Variants in CAPRIN1 observed in about 807,000 individuals in gnomAD.
The protein encoded by CAPRIN1 is caprin-1.
CAPRIN1 carries 29 observed loss-of-function variants against 100.9 expected under a neutral mutation model. That is an observed-to-expected ratio of 0.29 (90% CI 0.21 to 0.39). The LOEUF (loss-of-function observed/expected upper bound fraction) is 0.39. Among genes scored for constraint, CAPRIN1 ranks in the 10% least tolerant of loss-of-function variants. The pLI, the probability that CAPRIN1 is intolerant of heterozygous loss-of-function variation, is 1.00. For synonymous variants in CAPRIN1, 338 were observed against 307.5 expected (o/e 1.10, Z -1.04); for missense variants, 795 against 876.7 (o/e 0.91, Z 1.18).
At position 34,099,170 on chromosome 11, in the gene CAPRIN1, A is replaced by C. The variant is rs1851416697; in HGVS notation, c.2066-133A>C. ...CAGGACAGGGGAAACTTGAACACTG[A>C]AGAATTGACCTCTTAAGCCTAATAA... On this transcript the variant is annotated intron_variant, in intron 18 of 18. Transcript: ENST00000341394. 4 of 1,487,746 alleles carry C rather than the reference A, an allele frequency of 2.7e-6. No individual in the cohort carries two copies. The South Asian group carries it at 3.9e-5, about 15-fold the overall frequency. The allele number at this position is 1,487,746 out of a possible 1,614,324, so 92.2% of individuals were successfully genotyped here.
intron 9 of CAPRIN1, among the ~76,000 whole-genome samples, chr11:34,084,322 G>A (rs16925134): frequency 0.1 from 15,529 of 152,128 alleles, 863 homozygotes; most frequent in African/African-American, 0.15. Context: ...CATTGGTAAG[G>A]TAAAGAGAGT....
intron 2 of CAPRIN1, chr11:34,055,760 T>A (rs1850436498): frequency 6.6e-6 from 1 of 152,188 alleles, no homozygotes; most frequent in Non-Finnish European, 1.5e-5. Flanking sequence ...TTTTCTGTCT[T>A]CTCAGTGTTT....
chr11:34,076,488 T>C lies in CAPRIN1; in HGVS notation c.605+14T>C. On this transcript the variant is annotated intron_variant, in intron 5 of 18. Transcript: ENST00000341394. ...CATGAGCTTGAGGTATTAGTGGTAT[T>C]TGATAATAGAAACTTCTGAGTATTT... is the stretch of plus-strand genomic sequence containing the variant. The C allele has an allele frequency of 1.2e-6, 2 of 1,609,338 alleles. No individual in the cohort carries two copies. The highest frequency in any genetic ancestry group is 1.7e-6 in the Non-Finnish European group (2 of 1,175,670).
At chr11:34,073,848 G>T (rs1850852407) in intron 4 of CAPRIN1, among the ~76,000 whole-genome samples, 1 of 152,132 alleles carries the variant, frequency 6.6e-6, no homozygotes, top group Non-Finnish European at 1.5e-5. Flanking sequence ...TACTATAATG[G>T]AATGCCTGAG....
chr11:34,097,557 CAA>C (rs1851391036), intron 17 of CAPRIN1, 139 bp from the exon 18 acceptor site: 1 of 838,286 alleles, frequency 1.2e-6, no homozygotes, highest in Non-Finnish European at 1.9e-6. Context: ...AATTACAGAA[CAA>C]GGTGTAGCTG....
chr11:34,098,763 GT>G (rs1851408760), intron 18 of CAPRIN1: 2 of 985,044 alleles, frequency 2.0e-6, no homozygotes, highest in African/African-American at 3.5e-5. Flanking sequence ...CTAAAAATCT[GT>G]TTTAACAGCA....
In CAPRIN1 at chr11:34,089,441, A is replaced by T. The variant is rs776320199; in HGVS notation, c.1278A>T (p.Gln426His). 6.9e-6 allele frequency: 11 copies of T among 1,601,844 alleles called. No individual in the cohort carries two copies. The highest frequency in any genetic ancestry group is 6.7e-5 in the Admixed American group (4 of 59,710). The change falls in exon 12 of 19, where the codon CAA (glutamine) becomes CAT (histidine). Residue 426 changes from glutamine (Q) to histidine (H), a missense_variant. Transcript: ENST00000341394. ...RLAQPNQVPVQPEATQVPLVS... is the reference protein window; with the variant it reads ...RLAQPNQVPVHPEATQVPLVS... ...CTCAGCCTAATCAAGTTCCTGTACA[A>T]CCAGAAGCGACACAGGTAAGAGTGA...
intron 8 of CAPRIN1, 31 bp from the exon 9 acceptor site, chr11:34,082,923 CA>C: frequency 6.2e-7 from 1 of 1,610,882 alleles, no homozygotes; most frequent in Non-Finnish European, 8.5e-7. Context: ...GCCTTTCAAA[CA>C]AATGTCTCAA....
At chr11:34,093,501 G>T (rs773506596) in intron 15 of CAPRIN1, among the ~76,000 whole-genome samples, 7 of 152,080 alleles carry the variant, frequency 4.6e-5, no homozygotes, top group African/African-American at 1.7e-4. Context: ...TTGTCAGCCC[G>T]ATTTTGAAAA....
intron 2 of CAPRIN1, 96 bp downstream of exon 2, chr11:34,052,732 G>C (rs924282623): frequency 1.1e-5 from 16 of 1,454,124 alleles, no homozygotes; most frequent in African/African-American, 4.3e-5. Context: ...TTTTCGTCTC[G>C]GGAGCGTTAC....
Position 34,099,785 on chromosome 11 carries a change from T to C in CAPRIN1, c.*418T>C, listed in dbSNP as rs1249707720. On this transcript the variant is annotated 3_prime_UTR_variant, in exon 19 of 19. Coordinates refer to ENST00000341394, the MANE Select transcript of CAPRIN1 (RefSeq NM_005898.5). Reference sequence around the variant, plus strand: ...TAACTGACAAACTAAATTATTTCCCTAGAAAGGAAGATGAAAGGAGTGGAG... The same window carrying C: ...TAACTGACAAACTAAATTATTTCCCCAGAAAGGAAGATGAAAGGAGTGGAG... 6.3e-6 allele frequency: 1 copy of C among 159,390 alleles called. No individual in the cohort carries two copies. The highest frequency in any genetic ancestry group is 1.8e-4 in the East Asian group (1 of 5,550). 9.9% of individuals were successfully genotyped at this position (159,390 alleles called of 1,614,324 possible).
chr11:34,060,608 A>G (rs1394564513), intron 2 of CAPRIN1, among the ~76,000 whole-genome samples: 1 of 152,184 alleles, frequency 6.6e-6, no homozygotes, highest in African/African-American at 2.4e-5. Flanking sequence ...TTCTTTTTAC[A>G]TTGTGGACAG....
chr11:34,086,641 TA>T (rs1188874633), intron 11 of CAPRIN1, among the ~76,000 whole-genome samples: 24 of 152,156 alleles, frequency 1.6e-4, no homozygotes, highest in Non-Finnish European at 3.1e-4. Context: ...TATAGAAAAA[TA>T]TACGCAAGTT....
rs142876279 is a variant in CAPRIN1, at chr11:34,078,269, T to G, written c.689-1359T>G. On this transcript the variant is annotated intron_variant, in intron 6 of 18. Coordinates refer to ENST00000341394, the MANE Select transcript of CAPRIN1 (RefSeq NM_005898.5). The stretch of plus-strand genomic sequence containing the variant: ...AGAGTTGTTGGTAGTTTATTAAGAT[T>G]AATTTCCCAATGCTTTTGATACAAT... Among the ~76,000 whole-genome samples, 1,394 of 152,348 alleles carry G rather than the reference T, an allele frequency of 9.2e-3. 18 individuals are homozygous for G. The highest frequency in any genetic ancestry group is 0.032 in the African/African-American group (1,346 of 41,580).
At chr11:34,058,916 G>T (rs1397802178) in intron 2 of CAPRIN1, among the ~76,000 whole-genome samples, 1 of 152,154 alleles carries the variant, frequency 6.6e-6, no homozygotes, top group Non-Finnish European at 1.5e-5. Flanking sequence ...TGTATTCCAA[G>T]CTTCTGGGTA....
At chr11:34,061,687 C>T (rs528238868) in intron 2 of CAPRIN1, among the ~76,000 whole-genome samples, 6 of 151,760 alleles carry the variant, frequency 4.0e-5, no homozygotes, top group Non-Finnish European at 5.9e-5. Context: ...ATATCCTTAC[C>T]GGCCGGGCAC....
Position 34,082,867 on chromosome 11 carries a change from A to G in CAPRIN1, c.869A>G (p.Glu290Gly), listed in dbSNP as rs1565092923. The G allele has an allele frequency of 6.2e-7, 1 of 1,614,092 alleles. No individual in the cohort carries two copies. Among genetic ancestry groups the G allele is most frequent in the East Asian group, 2.2e-5 (1 of 44,872 alleles). ...AEEYTEQSEV[E>G]STEYVNRQFM... ...GAGTACACTGAGCAAAGTGAAGTTG[A>G]ATCAACAGAGGTATGATTTTAATTT... Residue 290 changes from glutamate to glycine, a missense_variant, in exon 8 of 19, where the codon GAA becomes GGA. This residue lies in a region of CAPRIN1 where 648 missense variants were observed against 697.9 expected (regional missense o/e 0.93). Transcript: ENST00000341394.
chr11:34,097,587 A>G (rs1473342628), intron 17 of CAPRIN1, 111 bp from the exon 18 acceptor site: 10 of 1,147,546 alleles, frequency 8.7e-6, no homozygotes, highest in Non-Finnish European at 1.3e-5. Flanking sequence ...CTGATACTGA[A>G]GTGTCTAAAA....
Position 34,086,337 on chromosome 11 carries a change from T to C in CAPRIN1, c.1155T>C (p.Leu385=), listed in dbSNP as rs1222151866. ...TGCTGGATTTTGAAAATCAGACACT[T>C]GATCCTGCCATTGTATCTGCACAGC... ...DSMLDFENQT[L]DPAIVSAQPM... is the part of the protein sequence containing the mutation. The change falls in exon 11 of 19, where the codon CTT becomes CTC. Residue 385 remains leucine (L), a synonymous_variant. Coordinates refer to ENST00000341394, the MANE Select transcript of CAPRIN1 (RefSeq NM_005898.5). 1.9e-6 allele frequency: 3 copies of C among 1,613,802 alleles called. No homozygotes were observed. The Admixed American group carries it at 5.0e-5, about 27-fold the overall frequency.
Sources: gnomAD v4.1 joint callset for allele counts (sites outside exome capture counted in the v4.1 genomes callset) on GRCh38, gnomAD v4.1.1 for gene constraint, gnomAD v4.1.1 regional missense constraint, MANE v1.5 for transcripts, NCBI Gene and HGNC (gene_info 2026-07-23, HGNC 2026-07-21) for gene names.